The following CMKLR1 variants were observed in gnomAD, a reference collection of about 807,000 sequenced individuals.
CMKLR1 encodes the protein chemerin-like receptor 1.
CMKLR1 carries 6 observed loss-of-function variants against 8.2 expected under a neutral mutation model. The observed-to-expected ratio is 0.73, with a 90% CI of 0.40 to 1.44. The LOEUF is 1.44. Among genes scored for constraint, CMKLR1 ranks in the 40% most tolerant of loss-of-function variants. The probability of loss-of-function intolerance (pLI) is 0.02; values close to 1 mark genes in which losing one functional copy is unlikely to be tolerated. For synonymous variants in CMKLR1, 178 were observed against 181.2 expected (o/e 0.98, Z 0.14); for missense variants, 429 against 478.0 (o/e 0.90, Z 0.96).
In CMKLR1 at chr12:108,290,320, C is replaced by T. The variant is rs1163688808; in HGVS notation, c.*1521G>A. 2 of 152,132 alleles carry T rather than the reference C, an allele frequency of 1.3e-5. No homozygotes were observed. Among genetic ancestry groups the T allele is most frequent in the Non-Finnish European group, 2.9e-5 (2 of 68,030 alleles). 9.4% of individuals were successfully genotyped at this position (152,132 alleles called of 1,614,324 possible). A position where few individuals can be genotyped will look rare whatever the true frequency, so the allele number is the denominator to read the frequency against. ...AGCTCCGGCAGAGACTAGCTGGGTA[C>T]CTTTGGGCAAGTTACTTAACCTCTC... On this transcript the variant is annotated 3_prime_UTR_variant, in exon 4 of 4. Transcript: ENST00000550402.
chr12:108,332,213 G>GT (rs1375105279), intron 1 of CMKLR1, among the ~76,000 whole-genome samples: 1 of 152,198 alleles, frequency 6.6e-6, no homozygotes, highest in Non-Finnish European at 1.5e-5. Context: ...GAGGTTATAT[G>GT]TATGTGACTT....
intron 2 of CMKLR1, among the ~76,000 whole-genome samples, chr12:108,307,703 T>C (rs1891444701): frequency 6.6e-6 from 1 of 152,204 alleles, no homozygotes; most frequent in South Asian, 2.1e-4. Flanking sequence ...TGCAAGAGGC[T>C]CTGCAAAGCG....
In CMKLR1 at chr12:108,322,778, T is replaced by C. The variant is rs147062980; in HGVS notation, c.-74+7217A>G. ...AAGCAGATGCTGATTCCATGCTGTTTGTGCAGCCTGCAGAACCATGAGCAA... is the reference window on the plus strand; with the variant it reads ...AAGCAGATGCTGATTCCATGCTGTTCGTGCAGCCTGCAGAACCATGAGCAA... On this transcript the variant is annotated intron_variant, in intron 2 of 3. Transcript: ENST00000550402. 3.6e-3 allele frequency among the ~76,000 whole-genome samples: 546 copies of C among 152,320 alleles called. 1 individual carries two copies. Among genetic ancestry groups the C allele is most frequent in the Admixed American group, 8.4e-3 (129 of 15,306 alleles).
chr12:108,308,929 C>T (rs1237239508), intron 2 of CMKLR1, among the ~76,000 whole-genome samples: 4 of 152,092 alleles, frequency 2.6e-5, no homozygotes, highest in East Asian at 1.9e-4. Flanking sequence ...GAGGGGTAGT[C>T]GGGGGTGACA....
chr12:108,308,505 C>T (rs1335954682), intron 2 of CMKLR1, among the ~76,000 whole-genome samples: 1 of 152,192 alleles, frequency 6.6e-6, no homozygotes, highest in Non-Finnish European at 1.5e-5. Context: ...CAGGCCACCT[C>T]CTTCTGGAGA....
chr12:108,306,183 T>C (rs934499738), intron 2 of CMKLR1, among the ~76,000 whole-genome samples: 2 of 152,196 alleles, frequency 1.3e-5, no homozygotes, highest in African/African-American at 4.8e-5. Context: ...GAGCGTGCGG[T>C]TGGGTACAAA....
At chr12:108,330,639 T>C (rs138678320) in intron 1 of CMKLR1, among the ~76,000 whole-genome samples, 3 of 152,334 alleles carry the variant, frequency 2.0e-5, no homozygotes, top group African/African-American at 7.2e-5. Flanking sequence ...AGGGAATCCA[T>C]CCACCATCAG....
intron 2 of CMKLR1, among the ~76,000 whole-genome samples, chr12:108,327,512 G>A (rs1294576304): frequency 1.3e-5 from 2 of 152,234 alleles, no homozygotes; most frequent in Non-Finnish European, 2.9e-5. Context: ...GTGAATTAGA[G>A]AATGAAGGAG....
At chr12:108,334,685 AGT>A (rs1892180992) in intron 1 of CMKLR1, among the ~76,000 whole-genome samples, 1 of 152,224 alleles carries the variant, frequency 6.6e-6, no homozygotes, top group Non-Finnish European at 1.5e-5. Flanking sequence ...TCAAATGTGC[AGT>A]GGGGCCCTAG....
chr12:108,297,766 C>A (rs1891173167), intron 2 of CMKLR1, among the ~76,000 whole-genome samples: 1 of 152,200 alleles, frequency 6.6e-6, no homozygotes, highest in Admixed American at 6.5e-5. Context: ...ACCACTCTGA[C>A]CTCCGTAAGC....
Position 108,292,957 on chromosome 12 carries a change from T to A in CMKLR1, c.6A>T (p.Arg2Ser). Residue 2 changes from arginine (R) to serine (S), a missense_variant and splice_region_variant, in exon 4 of 4, where the codon AGA (arginine) becomes AGT (serine). Coordinates refer to ENST00000550402, the MANE Select transcript of CMKLR1 (RefSeq NM_001142343.2). ...AAGTGTTGTAATCTTCATCCTCCAT[T>A]CTCTGCAAGAGAAGACAGGGACCAT... MRMEDEDYNTSI... is the reference protein window; with the variant it reads MSMEDEDYNTSI... 1 of 1,604,086 alleles carries A rather than the reference T, an allele frequency of 6.2e-7. No homozygotes were observed. Among genetic ancestry groups the A allele is most frequent in the Non-Finnish European group, 8.5e-7 (1 of 1,173,704 alleles).
At chr12:108,310,165 G>GTA (rs1891514441) in intron 2 of CMKLR1, among the ~76,000 whole-genome samples, 1 of 79,934 alleles carries the variant, frequency 1.3e-5, no homozygotes, top group African/African-American at 5.8e-5. Context: ...GTTAGGGGCT[G>GTA]TGTGTGTGTG....
intron 2 of CMKLR1, among the ~76,000 whole-genome samples, chr12:108,304,460 G>C (rs546671938): frequency 1.1e-4 from 16 of 152,080 alleles, no homozygotes; most frequent in Non-Finnish European, 1.9e-4. Flanking sequence ...TCTTTACATC[G>C]CAAAGCACTG....
chr12:108,298,762 T>A (rs12813165), intron 2 of CMKLR1, among the ~76,000 whole-genome samples: 21,233 of 152,226 alleles, frequency 0.14, 1,972 homozygotes, highest in Non-Finnish European at 0.21. Context: ...GGGAAGCCCA[T>A]TCTCCAGGCC....
Position 108,292,437 on chromosome 12 carries a change from C to T in CMKLR1, c.526G>A (p.Val176Ile), listed in dbSNP as rs905167425. The part of the protein sequence containing the change: ...LAFFLSSPSL[V>I]FRDTANLHGK... ...TGCAGGTTGGCTGTGTCCCGGAAGA[C>T]GAGAGATGGGGAACTCAAGAAGAAA... The change falls in exon 4 of 4, where the codon GTC becomes ATC. Residue 176 changes from valine (V) to isoleucine (I), a missense_variant. Coordinates refer to ENST00000550402, the MANE Select transcript of CMKLR1 (RefSeq NM_001142343.2). The T allele has an allele frequency of 9.3e-6, 15 of 1,613,940 alleles. No homozygotes were observed. The highest frequency in any genetic ancestry group is 3.3e-4 in the Middle Eastern group (2 of 6,084).
rs1242689320 is a variant in CMKLR1 at position 108,316,154 on chromosome 12, G to A, written c.-74+13841C>T. Among the ~76,000 whole-genome samples the A allele has an allele frequency of 3.3e-5, 5 of 152,166 alleles. No homozygotes were observed. In the South Asian group the frequency reaches 8.3e-4, roughly 25 times the overall value. On this transcript the variant is annotated intron_variant, in intron 2 of 3. Transcript: ENST00000550402. ...TTACTGAGAATTCAGGACAGCAACT[G>A]CCAAGTGTTAAACAAAGCACAGGCC... is the stretch of plus-strand genomic sequence containing the variant.
Position 108,291,751 on chromosome 12 carries a change from GCTAAAGAGGTT to G in CMKLR1, c.*79_*89del. The G allele has an allele frequency of 7.6e-7, 1 of 1,320,582 alleles. No individual in the cohort carries two copies. Among genetic ancestry groups the G allele is most frequent in the Middle Eastern group, 2.7e-4 (1 of 3,740 alleles). 81.8% of individuals were successfully genotyped at this position (1,320,582 alleles called of 1,614,324 possible). Reference sequence around the variant, plus strand: ...CAAAATGCAGTGAAAATTGGTGGATGCTAAAGAGGTTCTTGCCTTGATCTTCAGAAGACATA... The same window carrying G: ...CAAAATGCAGTGAAAATTGGTGGATGCTTGCCTTGATCTTCAGAAGACATA... On this transcript the variant is annotated 3_prime_UTR_variant, in exon 4 of 4. Coordinates refer to ENST00000550402, the MANE Select transcript of CMKLR1 (RefSeq NM_001142343.2).
At chr12:108,335,321 T>C (rs1187963518) in intron 1 of CMKLR1, among the ~76,000 whole-genome samples, 1 of 152,166 alleles carries the variant, frequency 6.6e-6, no homozygotes, top group South Asian at 2.1e-4. Context: ...GTGGAAGTCA[T>C]GTCTGCTGCT....
At position 108,291,817 on chromosome 12, in the gene CMKLR1, C is replaced by T. The variant is rs1335985940; in HGVS notation, c.*24G>A. 6.3e-7 allele frequency: 1 copy of T among 1,594,250 alleles called. No homozygotes were observed. The highest frequency in any genetic ancestry group is 1.2e-5 in the South Asian group (1 of 86,306). ...TGGGTGTCCCTGGGTTGAGAGAGTC[C>T]ATTGAGGGGTTCCACAGTGAGGATC... is the stretch of plus-strand genomic sequence containing the variant. On this transcript the variant is annotated 3_prime_UTR_variant, in exon 4 of 4. Transcript: ENST00000550402.
Sources: allele counts gnomAD v4.1 joint callset (sites outside exome capture counted in the v4.1 genomes callset), GRCh38; gene constraint gnomAD v4.1.1; transcripts MANE v1.5; gene names NCBI Gene and HGNC (gene_info 2026-07-23, HGNC 2026-07-21).